ERC2: variants seen among roughly 807,000 people sequenced by gnomAD.
The protein encoded by ERC2 is ELKS/RAB6-interacting/CAST family member 2.
Under a neutral mutation model 114.8 loss-of-function variants are expected in ERC2, and 42 were observed. The observed-to-expected ratio is 0.37, with a 90% confidence interval of 0.29 to 0.47. The LOEUF is 0.47. Among genes scored for constraint, ERC2 ranks in the 20% least tolerant of loss-of-function variants. The pLI is 0.99. For synonymous variants in ERC2, 454 were observed against 425.5 expected, an observed-to-expected ratio of 1.07 and a Z score of -0.82; for missense variants, 939 against 1,150.7, an observed-to-expected ratio of 0.82 and a Z score of 2.66.
intron 6 of ERC2, 66 bp from the exon 7 acceptor site, chr3:56,081,050 G>C: frequency 6.5e-7 from 1 of 1,546,972 alleles, no homozygotes; most frequent in Admixed American, 1.9e-5. Context: ...CATCAATTGT[G>C]CCCTTTGAGG....
chr3:56,137,910 G>C (rs1575557114), intron 6 of ERC2, among the ~76,000 whole-genome samples: 1 of 152,188 alleles, frequency 6.6e-6, no homozygotes, highest in Admixed American at 6.5e-5. Context: ...CACAATTCTA[G>C]ATACTATTCA....
At chr3:55,538,972 C>T (rs747491117) in intron 17 of ERC2, among the ~76,000 whole-genome samples, 6 of 152,160 alleles carry the variant, frequency 3.9e-5, no homozygotes, top group Non-Finnish European at 7.3e-5. Context: ...ATTGGGTGGG[C>T]GTACAGAGCC....
chr3:56,139,148 C>T (rs966417038), intron 6 of ERC2, among the ~76,000 whole-genome samples: 2 of 152,098 alleles, frequency 1.3e-5, no homozygotes, highest in African/African-American at 4.8e-5. Flanking sequence ...ATCTAAAATG[C>T]TCCGAAGTAT....
chr3:55,759,844 T>C (rs969088468), intron 14 of ERC2, among the ~76,000 whole-genome samples: 2 of 152,234 alleles, frequency 1.3e-5, no homozygotes, highest in African/African-American at 4.8e-5. Flanking sequence ...AGTAGATTTT[T>C]ACACACATGA....
chr3:55,807,450 G>A (rs2059535006), intron 14 of ERC2, among the ~76,000 whole-genome samples: 1 of 152,186 alleles, frequency 6.6e-6, no homozygotes, highest in African/African-American at 2.4e-5. Context: ...GCAGGGGTAA[G>A]CAGAGTTCTT....
intron 14 of ERC2, among the ~76,000 whole-genome samples, chr3:55,792,125 A>G (rs572054605): frequency 1.0e-3 from 154 of 152,340 alleles, no homozygotes; most frequent in Non-Finnish European, 1.9e-3. Flanking sequence ...ACTATAACAG[A>G]CTATAATAGT....
At chr3:55,706,852 A>C (rs1408760369) in intron 15 of ERC2, among the ~76,000 whole-genome samples, 2 of 152,192 alleles carry the variant, frequency 1.3e-5, no homozygotes, top group Non-Finnish European at 2.9e-5. Flanking sequence ...GAGAGTTCTC[A>C]TCACTTAGCG....
At chr3:55,773,010 A>G (rs563145988) in intron 14 of ERC2, among the ~76,000 whole-genome samples, 1 of 152,292 alleles carries the variant, frequency 6.6e-6, no homozygotes, top group East Asian at 1.9e-4. Context: ...GATTATTGCA[A>G]TGGCCTCCTA....
intron 7 of ERC2, chr3:56,072,452 TAA>T (rs2076782228): frequency 6.6e-6 from 1 of 152,206 alleles, no homozygotes; most frequent in Non-Finnish European, 1.5e-5. Flanking sequence ...TGTAATATAT[TAA>T]GTTAGATTTT....
chr3:55,560,762 T>C (rs2055959350), intron 17 of ERC2, among the ~76,000 whole-genome samples: 1 of 152,146 alleles, frequency 6.6e-6, no homozygotes, highest in East Asian at 1.9e-4. Context: ...CAACAAGAGG[T>C]AACTGGATAC....
chr3:56,445,313 AACAATTCATTCTTTT>A (rs896551000), intron 1 of ERC2, among the ~76,000 whole-genome samples: 1 of 152,206 alleles, frequency 6.6e-6, no homozygotes, highest in African/African-American at 2.4e-5. Flanking sequence ...TAAGGTCTTA[AACAATTCATTCTTTT>A]ACAATTCATT....
intron 17 of ERC2, among the ~76,000 whole-genome samples, chr3:55,595,562 T>C (rs967617854): frequency 3.3e-5 from 5 of 152,218 alleles, no homozygotes; most frequent in Non-Finnish European, 5.9e-5. Flanking sequence ...ATTTCTCCCA[T>C]AGGCAGCGCA....
At chr3:55,580,957 G>A (rs936631352) in intron 17 of ERC2, among the ~76,000 whole-genome samples, 2 of 152,176 alleles carry the variant, frequency 1.3e-5, no homozygotes, top group Non-Finnish European at 2.9e-5. Context: ...ATACTTGAAC[G>A]AAGGCTTGAA....
At chr3:55,548,255 T>C (rs1456451090) in intron 17 of ERC2, among the ~76,000 whole-genome samples, 1 of 152,262 alleles carries the variant, frequency 6.6e-6, no homozygotes, top group Non-Finnish European at 1.5e-5. Flanking sequence ...ATGCCCTCCA[T>C]AGCAGTTGTT....
At chr3:55,670,895 C>T (rs922861472) in intron 17 of ERC2, among the ~76,000 whole-genome samples, 6 of 152,156 alleles carry the variant, frequency 3.9e-5, no homozygotes, top group Admixed American at 2.0e-4. Flanking sequence ...TCAAATTTCA[C>T]TGTCCATAAA....
At chr3:55,952,639 C>T (rs1559923965) in intron 12 of ERC2, among the ~76,000 whole-genome samples, 1 of 152,064 alleles carries the variant, frequency 6.6e-6, no homozygotes, top group African/African-American at 2.4e-5. Context: ...TTAGAGGGTA[C>T]TTTTAAAAAG....
At chr3:55,765,850 G>A (rs1218037396) in intron 14 of ERC2, among the ~76,000 whole-genome samples, 8 of 152,152 alleles carry the variant, frequency 5.3e-5, no homozygotes, top group Admixed American at 5.2e-4. Flanking sequence ...TGAATAAAAT[G>A]ATTACGTGAT....
intron 14 of ERC2, among the ~76,000 whole-genome samples, chr3:55,764,664 T>A (rs1051306796): frequency 6.6e-6 from 1 of 152,192 alleles, no homozygotes; most frequent in Non-Finnish European, 1.5e-5. Flanking sequence ...AAATAGGGTT[T>A]TCTGATAGTT....
intron 14 of ERC2, among the ~76,000 whole-genome samples, chr3:55,830,988 A>G (rs2060543012): frequency 6.6e-6 from 1 of 151,876 alleles, no homozygotes. Context: ...AAAAGTCAAT[A>G]GATAAATTAA....
Sources: gnomAD v4.1 joint callset for allele counts (sites outside exome capture counted in the v4.1 genomes callset) on GRCh38, gnomAD v4.1.1 for gene constraint, MANE v1.5 for transcripts, NCBI Gene and HGNC (gene_info 2026-07-23, HGNC 2026-07-21) for gene names.